LRMDA: variants seen among roughly 807,000 people sequenced by gnomAD.
The protein encoded by LRMDA is leucine-rich melanocyte differentiation-associated protein.
LRMDA carries 18 observed loss-of-function variants against 29.8 expected under a neutral mutation model. That is an observed-to-expected ratio of 0.60 (90% CI 0.42 to 0.90). The LOEUF (loss-of-function observed/expected upper bound fraction) is 0.90, where lower values mean the gene tolerates loss of function less well. LRMDA is among the 40% of genes least tolerant of loss of function. The pLI is 0.00. For missense variants in LRMDA, 273 were observed against 273.9 expected (o/e 1.00, Z 0.02); for synonymous variants, 125 against 109.4 (o/e 1.14, Z -0.89).
intron 2 of LRMDA, among the ~76,000 whole-genome samples, chr10:76,005,321 A>G (rs1371150518): frequency 6.6e-6 from 1 of 152,210 alleles, no homozygotes; most frequent in African/African-American, 2.4e-5. Context: ...CATCCTTTCA[A>G]CTTGTTGAAA....
At chr10:76,203,117 A>G (rs1461828359) in intron 5 of LRMDA, among the ~76,000 whole-genome samples, 1 of 152,188 alleles carries the variant, frequency 6.6e-6, no homozygotes, top group East Asian at 1.9e-4. Flanking sequence ...GAGCATGAGT[A>G]CTTTTTGTGG....
intron 2 of LRMDA, among the ~76,000 whole-genome samples, chr10:75,619,043 C>T (rs1387670209): frequency 6.6e-6 from 1 of 152,012 alleles, no homozygotes; most frequent in Non-Finnish European, 1.5e-5. Flanking sequence ...GTGATCTGCC[C>T]ACCTCGGCCT....
At chr10:75,720,435 C>T (rs990955643) in intron 2 of LRMDA, among the ~76,000 whole-genome samples, 3 of 152,206 alleles carry the variant, frequency 2.0e-5, no homozygotes, top group Non-Finnish European at 4.4e-5. Context: ...CTCTCCAGTT[C>T]TAAAATTATT....
At chr10:76,242,948 G>A (rs1030919670) in intron 5 of LRMDA, among the ~76,000 whole-genome samples, 7 of 152,180 alleles carry the variant, frequency 4.6e-5, no homozygotes, top group African/African-American at 1.7e-4. Flanking sequence ...AAGATGAGCA[G>A]CTCTTCCACG....
In LRMDA at chr10:76,510,421, T is replaced by G. The variant is rs932730643; in HGVS notation, c.602-46788T>G. On this transcript the variant is annotated intron_variant, in intron 6 of 6. Transcript: ENST00000611255. ...CATAAACCTGTGGCATGCTTTTTTT[T>G]GGGAACATGATTCAGAAATCACTTT... Among the ~76,000 whole-genome samples the G allele has an allele frequency of 4.0e-5, 6 of 151,584 alleles. No homozygotes were observed. The East Asian group carries it at 7.7e-4, about 20-fold the overall frequency.
chr10:75,831,272 C>T (rs1844339393), intron 2 of LRMDA, among the ~76,000 whole-genome samples: 1 of 152,158 alleles, frequency 6.6e-6, no homozygotes. Flanking sequence ...TGGTCTTGAT[C>T]TCCTGACCTC....
At chr10:76,425,789 TC>T (rs1272257369) in intron 6 of LRMDA, among the ~76,000 whole-genome samples, 3 of 147,942 alleles carry the variant, frequency 2.0e-5, no homozygotes, top group Non-Finnish European at 3.0e-5. Context: ...TGTGTGATGT[TC>T]CCCTTCCTGT....
chr10:76,552,031 G>T (rs1843502039), intron 6 of LRMDA, among the ~76,000 whole-genome samples: 1 of 152,180 alleles, frequency 6.6e-6, no homozygotes, highest in Non-Finnish European at 1.5e-5. Context: ...TGATTTCATA[G>T]CTACATTTAT....
intron 6 of LRMDA, among the ~76,000 whole-genome samples, chr10:76,471,437 G>A (rs932662441): frequency 1.3e-5 from 2 of 151,366 alleles, no homozygotes; most frequent in African/African-American, 2.4e-5. Flanking sequence ...AAAATATAGC[G>A]AAAAATTATT....
intron 5 of LRMDA, among the ~76,000 whole-genome samples, chr10:76,128,819 A>G (rs896634248): frequency 6.6e-6 from 1 of 152,168 alleles, no homozygotes; most frequent in Admixed American, 6.5e-5. Flanking sequence ...CAATCATTAA[A>G]GACGTGAAAG....
chr10:76,200,743 G>A (rs78744218), intron 5 of LRMDA, among the ~76,000 whole-genome samples: 5,090 of 149,706 alleles, frequency 0.034, 285 homozygotes, highest in African/African-American at 0.12. Flanking sequence ...CTGAGACAGG[G>A]CTTAGCTCTT....
intron 5 of LRMDA, among the ~76,000 whole-genome samples, chr10:76,236,334 T>C (rs1361877646): frequency 1.3e-5 from 2 of 152,320 alleles, no homozygotes; most frequent in Middle Eastern, 3.4e-3. Flanking sequence ...ATAGACAGGA[T>C]TTCTGGAGTT....
intron 2 of LRMDA, among the ~76,000 whole-genome samples, chr10:75,825,494 C>G (rs1186922038): frequency 6.6e-6 from 1 of 152,110 alleles, no homozygotes; most frequent in Non-Finnish European, 1.5e-5. Context: ...AAGACGTGCT[C>G]ATTTTTTATG....
At chr10:75,975,519 A>G (rs894149195) in intron 2 of LRMDA, among the ~76,000 whole-genome samples, 4 of 152,112 alleles carry the variant, frequency 2.6e-5, no homozygotes, top group Non-Finnish European at 5.9e-5. Context: ...TGCTCATGTG[A>G]CACTCTTTGT....
At chr10:75,756,139 A>G (rs935301019) in intron 2 of LRMDA, among the ~76,000 whole-genome samples, 2 of 152,172 alleles carry the variant, frequency 1.3e-5, no homozygotes, top group African/African-American at 2.4e-5. Context: ...TTTGCTTACC[A>G]TATCCATTCT....
At chr10:76,213,398 G>A (rs577166403) in intron 5 of LRMDA, among the ~76,000 whole-genome samples, 5 of 152,328 alleles carry the variant, frequency 3.3e-5, no homozygotes, top group African/African-American at 1.2e-4. Flanking sequence ...AGAAGGGAAA[G>A]TAATTATCTC....
intron 5 of LRMDA, among the ~76,000 whole-genome samples, chr10:76,271,911 C>T (rs1195512984): frequency 6.6e-6 from 1 of 152,102 alleles, no homozygotes; most frequent in Non-Finnish European, 1.5e-5. Context: ...AATTGGAGTC[C>T]AGCCTTGGGG....
chr10:76,418,776 CTT>C (rs1842044530), intron 6 of LRMDA, among the ~76,000 whole-genome samples: 1 of 151,920 alleles, frequency 6.6e-6, no homozygotes, highest in Non-Finnish European at 1.5e-5. Context: ...GAAAAGGCAT[CTT>C]TTCTTTTGTT....
intron 5 of LRMDA, among the ~76,000 whole-genome samples, chr10:76,068,483 A>G (rs1253884125): frequency 6.6e-6 from 1 of 152,142 alleles, no homozygotes; most frequent in Non-Finnish European, 1.5e-5. Context: ...CAGGCATTAG[A>G]TTCTCATAAG....
Sources: allele counts gnomAD v4.1 joint callset (sites outside exome capture counted in the v4.1 genomes callset), GRCh38; gene constraint gnomAD v4.1.1; transcripts MANE v1.5; gene names NCBI Gene and HGNC (gene_info 2026-07-23, HGNC 2026-07-21).